Variants in LRRC9 observed in about 807,000 individuals in gnomAD.
The protein encoded by LRRC9 is leucine rich repeat containing 9.
LRRC9 carries 122 observed loss-of-function variants against 63.2 expected under a neutral mutation model. That is an observed-to-expected ratio of 1.93 (90% CI 1.67 to 2.24). The LOEUF (loss-of-function observed/expected upper bound fraction) is 2.24, where lower values mean the gene tolerates loss of function less well. LRRC9 is among the 30% of genes most tolerant of loss of function. The pLI is 0.00. For missense variants in LRRC9, 1,071 were observed against 627.7 expected (o/e 1.71, Z -7.55); for synonymous variants, 366 against 213.1 (o/e 1.72, Z -6.25).
At chr14:59,928,087 C>A in intron 2 of LRRC9, 96 bp downstream of exon 2, 1 of 608,368 alleles carries the variant, frequency 1.6e-6, no homozygotes, top group South Asian at 2.1e-5. Context: ...GTTACTTAGT[C>A]ATTTCCTCTA....
intron 29 of LRRC9, among the ~76,000 whole-genome samples, chr14:60,046,444 C>T (rs1413696155): frequency 1.3e-5 from 2 of 152,002 alleles, no homozygotes; most frequent in Non-Finnish European, 2.9e-5. Flanking sequence ...TTGTTAACCT[C>T]TGTATAAGGT....
At chr14:60,066,284 T>A (rs1894882400), downstream of LRRC9, among the ~76,000 whole-genome samples, 1 of 152,046 alleles carries the variant, frequency 6.6e-6, no homozygotes, top group Non-Finnish European at 1.5e-5. Context: ...TAACATGCCA[T>A]TTCACTCTTC....
chr14:60,034,015 CTTTTTTTTTT>C (rs1157239003), intron 29 of LRRC9, among the ~76,000 whole-genome samples: 2 of 116,016 alleles, frequency 1.7e-5, no homozygotes, highest in South Asian at 2.6e-4. Context: ...TTTTTTCTTT[CTTTTTTTTTT>C]TTTTTTTTTT....
intron 29 of LRRC9, among the ~76,000 whole-genome samples, chr14:60,047,654 T>TAA (rs1385936014): frequency 6.6e-6 from 1 of 152,178 alleles, no homozygotes; most frequent in Non-Finnish European, 1.5e-5. Flanking sequence ...TAGCAGTTCT[T>TAA]AGAGACCTAT....
At chr14:59,951,711 C>T (rs1040022199) in intron 8 of LRRC9, among the ~76,000 whole-genome samples, 1 of 150,758 alleles carries the variant, frequency 6.6e-6, no homozygotes, top group African/African-American at 2.5e-5. Flanking sequence ...AGTTTTCCTT[C>T]TAACAGACAG....
intron 6 of LRRC9, among the ~76,000 whole-genome samples, chr14:59,933,840 A>G (rs1266042665): frequency 6.6e-6 from 1 of 152,176 alleles, no homozygotes; most frequent in Non-Finnish European, 1.5e-5. Flanking sequence ...ATCAAGGGGT[A>G]TATTTGAATA....
chr14:59,921,962 T>A lies in LRRC9; in HGVS notation c.-34+2079T>A, dbSNP rs1888820087. On this transcript the variant is annotated intron_variant, in intron 1 of 31. Coordinates refer to ENST00000445360, the Ensembl canonical transcript of LRRC9. ...AGCCGGGTGTGATGGCACGCGCCTGTAGTGCCAGCTACTTGGGAGGCTGAG... is the reference window on the plus strand; with the variant it reads ...AGCCGGGTGTGATGGCACGCGCCTGAAGTGCCAGCTACTTGGGAGGCTGAG... 2.0e-5 allele frequency among the ~76,000 whole-genome samples: 3 copies of A among 152,034 alleles called. No homozygotes were observed. The South Asian group carries it at 6.2e-4, about 32-fold the overall frequency.
In LRRC9 at chr14:59,938,287, A is replaced by G. The variant is rs1881269833; in HGVS notation, c.544-103A>G. On this transcript the variant is annotated intron_variant, in intron 6 of 31. Coordinates refer to ENST00000445360, the Ensembl canonical transcript of LRRC9. This position sits in a 1 kb window ranked among gnomAD's most constrained non-coding sequence, Gnocchi z 4.2. Reference sequence around the variant, plus strand: ...AAATCACTTTAATGTATTTAAGCGCATAATTAGAATGCATTAGACTATGGC... The same window carrying G: ...AAATCACTTTAATGTATTTAAGCGCGTAATTAGAATGCATTAGACTATGGC... The G allele has an allele frequency of 2.0e-6, 1 of 502,114 alleles. No individual in the cohort carries two copies. The highest frequency in any genetic ancestry group is 3.3e-5 in the South Asian group (1 of 30,662). 31.1% of individuals were successfully genotyped at this position (502,114 alleles called of 1,614,324 possible). A position where few individuals can be genotyped will look rare whatever the true frequency, so the allele number is the denominator to read the frequency against.
intron 29 of LRRC9, among the ~76,000 whole-genome samples, chr14:60,038,743 C>A (rs1267911690): frequency 6.6e-6 from 1 of 152,094 alleles, no homozygotes; most frequent in Non-Finnish European, 1.5e-5. Flanking sequence ...CTTTTCCTAA[C>A]TGAATACGCT....
intron 26 of LRRC9, 36 bp from the exon 27 acceptor site, chr14:60,022,698 T>A (rs1478055059): frequency 1.8e-6 from 1 of 540,842 alleles, no homozygotes; most frequent in Non-Finnish European, 3.3e-6. Context: ...GGTTTGAAGT[T>A]AAGTTTATGG....
At chr14:59,929,910 T>C (rs1889548253) in intron 3 of LRRC9, among the ~76,000 whole-genome samples, 1 of 151,816 alleles carries the variant, frequency 6.6e-6, no homozygotes, top group African/African-American at 2.4e-5. Flanking sequence ...AACGACAGAC[T>C]CTGGGGCCTA....
intron 17 of LRRC9, among the ~76,000 whole-genome samples, chr14:59,988,450 ATTAC>A (rs1251600506): frequency 6.6e-6 from 1 of 152,180 alleles, no homozygotes; most frequent in Non-Finnish European, 1.5e-5. Context: ...CTTCTTCTCT[ATTAC>A]TTACATATAT....
intron 15 of LRRC9, among the ~76,000 whole-genome samples, chr14:59,980,650 C>T (rs773443165): frequency 6.6e-6 from 1 of 152,186 alleles, no homozygotes; most frequent in Non-Finnish European, 1.5e-5. Flanking sequence ...ACTCCATTTA[C>T]TCAGGTCCTC....
chr14:60,001,979 G>C, exon 20 of LRRC9: 1 of 679,950 alleles, frequency 1.5e-6, no homozygotes, highest in South Asian at 1.6e-5. Flanking sequence ...TCTCTCTTAC[G>C]GCATTCTAGT....
exon 5 of LRRC9, chr14:59,931,678 C>T (rs982268931): frequency 2.9e-6 from 2 of 697,304 alleles, no homozygotes; most frequent in Non-Finnish European, 5.2e-6. Flanking sequence ...TAATAAATAG[C>T]ATTGGTATGT....
chr14:59,985,211 A>T (rs1887332696), exon 17 of LRRC9: 1 of 666,598 alleles, frequency 1.5e-6, no homozygotes, highest in East Asian at 2.7e-5. Flanking sequence ...TGTTTAGATG[A>T]TGTATACCAC....
At chr14:59,940,251 T>C (rs187815257) in intron 7 of LRRC9, among the ~76,000 whole-genome samples, 22 of 152,246 alleles carry the variant, frequency 1.4e-4, no homozygotes, top group Admixed American at 1.0e-3. Flanking sequence ...AAGGCACAAA[T>C]AGGATATATA....
Position 59,938,719 on chromosome 14 carries a change from CA to C in LRRC9, c.726+148del. Reference sequence around the variant, plus strand: ...TTGCCCTAGTGAACTGGATATTACACATAAAAGTATATAAATAATAATATTA... The same window carrying C: ...TTGCCCTAGTGAACTGGATATTACACTAAAAGTATATAAATAATAATATTA... On this transcript the variant is annotated intron_variant, in intron 7 of 31. Transcript: ENST00000445360. The surrounding 1 kb of genome is among the most constrained non-coding windows in gnomAD (Gnocchi z 4.2). 1.2e-5 allele frequency: 5 copies of C among 410,856 alleles called. No individual in the cohort carries two copies. The highest frequency in any genetic ancestry group is 2.1e-5 in the Non-Finnish European group (5 of 234,956). The allele number at this position is 410,856 out of a possible 1,614,324, so 25.5% of individuals were successfully genotyped here. A position where few individuals can be genotyped will look rare whatever the true frequency, so the allele number is the denominator to read the frequency against.
chr14:60,061,127 T>G (rs773244826), intron 31 of LRRC9, among the ~76,000 whole-genome samples: 2 of 152,192 alleles, frequency 1.3e-5, no homozygotes, highest in Non-Finnish European at 2.9e-5. Context: ...AACAAAGGAT[T>G]TAGAATATTA....
Sources: allele counts gnomAD v4.1 joint callset (sites outside exome capture counted in the v4.1 genomes callset), GRCh38; gene constraint gnomAD v4.1.1; non-coding constraint Gnocchi (gnomAD v3.1); transcripts MANE v1.5; gene names NCBI Gene and HGNC (gene_info 2026-07-23, HGNC 2026-07-21).